ANO10: variants seen among roughly 807,000 people sequenced by gnomAD.
ANO10 encodes the protein anoctamin 10.
A neutral mutation model predicts 74.7 loss-of-function variants in ANO10; 77 were observed. The observed-to-expected ratio is 1.03, with a 90% CI of 0.86 to 1.25. The LOEUF (loss-of-function observed/expected upper bound fraction) is 1.25, where lower values mean the gene tolerates loss of function less well. Among genes scored for constraint, ANO10 ranks in the 50% most tolerant of loss-of-function variants. The pLI is 0.00. For synonymous variants in ANO10, 279 were observed against 284.9 expected, an observed-to-expected ratio of 0.98 and a Z score of 0.21; for missense variants, 721 against 778.1, an observed-to-expected ratio of 0.93 and a Z score of 0.87.
chr3:43,369,586 C>T (rs1211882976), intron 12 of ANO10, among the ~76,000 whole-genome samples: 1 of 152,180 alleles, frequency 6.6e-6, no homozygotes, highest in Admixed American at 6.5e-5. Context: ...GCCAGGGGAA[C>T]AGGAGGGGAC....
At chr3:43,609,761 C>T (rs1372556924) in intron 1 of ANO10, among the ~76,000 whole-genome samples, 1 of 152,032 alleles carries the variant, frequency 6.6e-6, no homozygotes, top group East Asian at 1.9e-4. Context: ...AATTGTAACA[C>T]AATAATATGT....
chr3:43,475,432 T>G (rs1191784159), intron 11 of ANO10, among the ~76,000 whole-genome samples: 1 of 152,186 alleles, frequency 6.6e-6, no homozygotes, highest in African/African-American at 2.4e-5. Flanking sequence ...ATTCATATAT[T>G]TAACTTGACT....
intron 11 of ANO10, among the ~76,000 whole-genome samples, chr3:43,452,575 A>T (rs915191424): frequency 3.9e-5 from 6 of 152,308 alleles, no homozygotes; most frequent in Middle Eastern, 6.8e-3. Context: ...TTATCCATTC[A>T]TCAGTTGGTG....
intron 10 of ANO10, among the ~76,000 whole-genome samples, chr3:43,552,349 T>TG (rs1457173157): frequency 6.6e-6 from 1 of 152,080 alleles, no homozygotes; most frequent in Non-Finnish European, 1.5e-5. Flanking sequence ...GAGGCCAACC[T>TG]GGTCAACATA....
intron 1 of ANO10, among the ~76,000 whole-genome samples, chr3:43,607,146 T>C (rs1227237933): frequency 6.6e-6 from 1 of 152,100 alleles, no homozygotes; most frequent in Non-Finnish European, 1.5e-5. Flanking sequence ...TGAAACACTA[T>C]TGGTCCCAGC....
At chr3:43,386,632 TGTGTGTAG>T (rs1283643711) in intron 12 of ANO10, among the ~76,000 whole-genome samples, 1 of 147,364 alleles carries the variant, frequency 6.8e-6, no homozygotes, top group Non-Finnish European at 1.5e-5. Context: ...TTTTGAAAGT[TGTGTGTAG>T]GTGTGTACGT....
At chr3:43,367,494 C>CT (rs1297082695) in intron 12 of ANO10, among the ~76,000 whole-genome samples, 1 of 152,184 alleles carries the variant, frequency 6.6e-6, no homozygotes, top group Non-Finnish European at 1.5e-5. Context: ...TCTCACCAGC[C>CT]TTTTGTCCCT....
intron 1 of ANO10, among the ~76,000 whole-genome samples, chr3:43,615,746 T>C (rs913480037): frequency 1.1e-4 from 17 of 151,928 alleles, no homozygotes; most frequent in Non-Finnish European, 2.9e-5. Context: ...CTCCGCCTCC[T>C]GGGTTCAAGC....
At chr3:43,582,921 T>A (rs2081326025) in intron 4 of ANO10, among the ~76,000 whole-genome samples, 1 of 152,228 alleles carries the variant, frequency 6.6e-6, no homozygotes, top group African/African-American at 2.4e-5. Flanking sequence ...TATTCCTTAT[T>A]TGGGGATGTA....
chr3:43,518,492 C>T lies in ANO10; in HGVS notation c.1797+31228G>A, dbSNP rs112138573. 8.0e-4 allele frequency among the ~76,000 whole-genome samples: 122 copies of T among 152,210 alleles called. 1 individual carries two copies. Among genetic ancestry groups the T allele is most frequent in the South Asian group, 7.2e-3 (35 of 4,828 alleles). On this transcript the variant is annotated intron_variant, in intron 11 of 12. Transcript: ENST00000292246. ...GCATCCAAAAGGAACAGGATGGCTG[C>T]GATTTTCAGGGAACAAGGGAGATAA...
At chr3:43,553,405 C>T (rs1203305243) in intron 10 of ANO10, among the ~76,000 whole-genome samples, 1 of 152,092 alleles carries the variant, frequency 6.6e-6, no homozygotes, top group Non-Finnish European at 1.5e-5. Flanking sequence ...TTGGGCCCCT[C>T]CCTCTTTCTT....
intron 12 of ANO10, among the ~76,000 whole-genome samples, chr3:43,393,623 C>G (rs180695329): frequency 6.6e-6 from 1 of 152,330 alleles, no homozygotes; most frequent in Admixed American, 6.5e-5. Flanking sequence ...GCCCTCCTCT[C>G]TTTCCCTCCA....
chr3:43,494,349 C>T (rs778049530), intron 11 of ANO10, among the ~76,000 whole-genome samples: 1 of 151,802 alleles, frequency 6.6e-6, no homozygotes, highest in Non-Finnish European at 1.5e-5. Flanking sequence ...GCTACTCAGG[C>T]GGCTGAGGCA....
chr3:43,626,475 T>C (rs1248710199), upstream of ANO10, among the ~76,000 whole-genome samples: 1 of 151,164 alleles, frequency 6.6e-6, no homozygotes. Flanking sequence ...ATTTTTGTAT[T>C]TTTTTAGTAG....
chr3:43,484,980 A>T (rs2076413051), intron 11 of ANO10: 3 of 1,401,412 alleles, frequency 2.1e-6, no homozygotes. Flanking sequence ...ACCTAGAAGA[A>T]GGTGTTGGGC....
chr3:43,642,858 T>G lies in ANO10; in HGVS notation c.-11-36995A>C, dbSNP rs574609181. On this transcript the variant is annotated intron_variant, in intron 1 of 3. Transcript: ENST00000413397. ...CAATTCACAGACATTTTTTTTTTTC[T>G]GTGTTTTATGATGCCTGGTCGCCAA... is the stretch of plus-strand genomic sequence containing the variant. Among the ~76,000 whole-genome samples the G allele has an allele frequency of 1.6e-3, 237 of 151,504 alleles. 1 individual carries two copies. The highest frequency in any genetic ancestry group is 5.2e-3 in the African/African-American group (215 of 41,102).
At chr3:43,386,497 T>C (rs2092121080) in intron 12 of ANO10, among the ~76,000 whole-genome samples, 1 of 152,048 alleles carries the variant, frequency 6.6e-6, no homozygotes, top group African/African-American at 2.4e-5. Context: ...AAATGTCCCC[T>C]CAAAATAGAG....
At chr3:43,566,567 C>A (rs1221323481) in intron 7 of ANO10, among the ~76,000 whole-genome samples, 2 of 152,214 alleles carry the variant, frequency 1.3e-5, no homozygotes, top group Non-Finnish European at 2.9e-5. Flanking sequence ...CACCCCCCAG[C>A]AGGGGTACAC....
intron 12 of ANO10, among the ~76,000 whole-genome samples, chr3:43,372,023 C>T (rs540503164): frequency 6.6e-6 from 1 of 152,102 alleles, no homozygotes; most frequent in Non-Finnish European, 1.5e-5. Flanking sequence ...GCCTGTCAGG[C>T]GGTCCTGGAG....
Sources: allele counts gnomAD v4.1 joint callset (sites outside exome capture counted in the v4.1 genomes callset), GRCh38; gene constraint gnomAD v4.1.1; transcripts MANE v1.5; gene names NCBI Gene and HGNC (gene_info 2026-07-23, HGNC 2026-07-21).